IL16: variants seen among roughly 807,000 people sequenced by gnomAD.
IL16 encodes the protein interleukin 16.
IL16 carries 67 observed loss-of-function variants against 110.1 expected under a neutral mutation model. The observed-to-expected ratio is 0.61, with a 90% CI of 0.50 to 0.75. The LOEUF is 0.75. Among genes scored for constraint, IL16 ranks in the 30% least tolerant of loss-of-function variants. The pLI is 0.00. For synonymous variants in IL16, 689 were observed against 662.9 expected (o/e 1.04, Z -0.61); for missense variants, 1,545 against 1,655.0 (o/e 0.93, Z 1.15).
chr15:81,267,446 A>G (rs1898431231), intron 4 of IL16, among the ~76,000 whole-genome samples: 1 of 151,500 alleles, frequency 6.6e-6, no homozygotes, highest in Admixed American at 6.6e-5. Flanking sequence ...GTATAGATAG[A>G]CACACATACA....
intron 2 of IL16, among the ~76,000 whole-genome samples, chr15:81,255,155 G>A (rs184919294): frequency 6.6e-6 from 1 of 152,286 alleles, no homozygotes; most frequent in Admixed American, 6.5e-5. Context: ...TGTTGGTGTC[G>A]AGAAAACAGA....
At chr15:81,306,265 G>T in intron 17 of IL16, 99 bp downstream of exon 17, 1 of 1,531,528 alleles carries the variant, frequency 6.5e-7, no homozygotes, top group South Asian at 1.2e-5. Context: ...GTGACCCCAA[G>T]AATGTGTGGC....
chr15:81,195,209 G>A (rs1316328533), upstream of IL16, among the ~76,000 whole-genome samples: 3 of 152,164 alleles, frequency 2.0e-5, no homozygotes, highest in African/African-American at 7.2e-5. Flanking sequence ...TTCAGGTGCC[G>A]ATGACAAGAG....
At chr15:81,261,328 C>T (rs1020595508) in intron 3 of IL16, among the ~76,000 whole-genome samples, 1 of 152,246 alleles carries the variant, frequency 6.6e-6, no homozygotes. Flanking sequence ...CTCTTGCCCC[C>T]TGGGAGCTGA....
At chr15:81,253,176 C>T (rs929807211) in intron 2 of IL16, among the ~76,000 whole-genome samples, 5 of 152,082 alleles carry the variant, frequency 3.3e-5, no homozygotes, top group Admixed American at 1.3e-4. Flanking sequence ...CTAGTGCATG[C>T]GAGTGGTATC....
At chr15:81,228,508 G>A (rs1164324586) in intron 2 of IL16, among the ~76,000 whole-genome samples, 1 of 151,922 alleles carries the variant, frequency 6.6e-6, no homozygotes, top group Non-Finnish European at 1.5e-5. Flanking sequence ...ATTTTTAGTA[G>A]AAATGGGGAT....
At chr15:81,210,040 G>T (rs1368862197) in intron 1 of IL16, among the ~76,000 whole-genome samples, 1 of 151,390 alleles carries the variant, frequency 6.6e-6, no homozygotes, top group East Asian at 1.9e-4. Flanking sequence ...GTTGGTTTTT[G>T]TATATGGTGA....
chr15:81,252,197 C>T (rs987600698), intron 2 of IL16, among the ~76,000 whole-genome samples: 1 of 152,094 alleles, frequency 6.6e-6, no homozygotes, highest in African/African-American at 2.4e-5. Context: ...CCAGGATTCA[C>T]TGGTAGGAAG....
At chr15:81,193,850 G>C (rs1175822030), upstream of IL16, among the ~76,000 whole-genome samples, 2 of 152,136 alleles carry the variant, frequency 1.3e-5, no homozygotes, top group Non-Finnish European at 2.9e-5. Context: ...TAAGTTGAAA[G>C]TGCTAAATGC....
chr15:81,185,145 C>A (rs373304905), intron 1 of IL16, among the ~76,000 whole-genome samples: 1 of 152,000 alleles, frequency 6.6e-6, no homozygotes, highest in Non-Finnish European at 1.5e-5. Context: ...CACCATCCCC[C>A]CAACGTCTCT....
intron 4 of IL16, among the ~76,000 whole-genome samples, chr15:81,267,489 C>CACACACAT (rs1567026421): frequency 2.8e-5 from 4 of 142,602 alleles, no homozygotes; most frequent in African/African-American, 1.2e-4. Flanking sequence ...GACACACACA[C>CACACACAT]ACACACACAC....
At position 81,301,495 on chromosome 15, in the gene IL16, G is replaced by A. The variant is rs761197620; in HGVS notation, c.3301G>A (p.Asp1101Asn). The A allele has an allele frequency of 1.9e-6, 3 of 1,612,826 alleles. No individual in the cohort carries two copies. The highest frequency in any genetic ancestry group is 3.4e-5 in the Admixed American group (2 of 59,610). Reference protein sequence around the residue: ...KKLIEEVKVLDEATLKQLDGI... With the variant: ...KKLIEEVKVLNEATLKQLDGI... ...ACTCATCGAGGAGGTGAAGGTTCTGGATGAAGCAACATTAAAGGTAGGTTT... is the reference window on the plus strand; with the variant it reads ...ACTCATCGAGGAGGTGAAGGTTCTGAATGAAGCAACATTAAAGGTAGGTTT... Residue 1101 changes from aspartate (D) to asparagine (N), a missense_variant, in exon 15 of 19, where the codon GAT (aspartate) becomes AAT (asparagine). Around this residue, in one of 3 missense-constraint regions of IL16, gnomAD observed 356 missense variants for 399.3 expected, o/e 0.89. Transcript: ENST00000683961.
At chr15:81,191,353 C>T (rs1192384276) in intron 1 of IL16, among the ~76,000 whole-genome samples, 3 of 152,158 alleles carry the variant, frequency 2.0e-5, no homozygotes, top group African/African-American at 4.8e-5. Flanking sequence ...ACATAAATTA[C>T]GCTAAGGAAA....
At chr15:81,292,242 G>T in intron 11 of IL16, 1 of 412,644 alleles carries the variant, frequency 2.4e-6, no homozygotes, top group Non-Finnish European at 4.6e-6. Context: ...GGGACCCACA[G>T]CTGAAAGTAG....
At chr15:81,256,157 A>C (rs1897936572) in intron 2 of IL16, among the ~76,000 whole-genome samples, 1 of 152,156 alleles carries the variant, frequency 6.6e-6, no homozygotes, top group Non-Finnish European at 1.5e-5. Flanking sequence ...GTAAGTGCTT[A>C]ATAAACATTT....
At chr15:81,213,188 T>C (rs1218970993) in intron 1 of IL16, among the ~76,000 whole-genome samples, 1 of 152,232 alleles carries the variant, frequency 6.6e-6, no homozygotes, top group African/African-American at 2.4e-5. Flanking sequence ...CATGCATTTA[T>C]GTAGTTTTGA....
intron 8 of IL16, among the ~76,000 whole-genome samples, 157 bp from the exon 9 acceptor site, chr15:81,282,482 C>T (rs891146598): frequency 6.6e-6 from 1 of 152,188 alleles, no homozygotes; most frequent in Non-Finnish European, 1.5e-5. Flanking sequence ...CTGTTCTGAC[C>T]CTAGAGCGGT....
intron 5 of IL16, 85 bp downstream of exon 5, chr15:81,269,733 T>C (rs1898551798): frequency 6.3e-6 from 6 of 958,062 alleles, no homozygotes; most frequent in Middle Eastern, 3.1e-4. Context: ...AGGATGGGAA[T>C]AGGACTACTG....
intron 16 of IL16, among the ~76,000 whole-genome samples, chr15:81,304,989 T>C (rs1359229411): frequency 6.6e-6 from 1 of 152,210 alleles, no homozygotes. Flanking sequence ...GTGTGTTTGT[T>C]TATCCCACAT....
Sources: allele counts gnomAD v4.1 joint callset (sites outside exome capture counted in the v4.1 genomes callset), GRCh38; gene constraint gnomAD v4.1.1; regional missense constraint gnomAD v4.1.1; transcripts MANE v1.5; gene names NCBI Gene and HGNC (gene_info 2026-07-23, HGNC 2026-07-21).